AGO4: variants seen among roughly 807,000 people sequenced by gnomAD.
AGO4 encodes protein argonaute-4.
A neutral mutation model predicts 104.7 loss-of-function variants in AGO4; 33 were observed. That is an observed-to-expected ratio of 0.32 (90% CI 0.24 to 0.42). AGO4 has a LOEUF of 0.42. AGO4 is among the 10% of genes least tolerant of loss of function. The probability of loss-of-function intolerance (pLI) is 1.00; values close to 1 mark genes in which losing one functional copy is unlikely to be tolerated. For missense variants in AGO4, 711 were observed against 1,083.4 expected (o/e 0.66, Z 4.83); for synonymous variants, 331 against 364.7 (o/e 0.91, Z 1.05).
rs202017065 is a variant in AGO4, at chr1:35,831,940, G to A, written c.1116+9G>A. ...AAGAGATCAGTAGACTGGTCAGTAA[G>A]GCATGGTCTTCAAGATGAGCTAGCT... is the stretch of plus-strand genomic sequence containing the variant. On this transcript the variant is annotated intron_variant, in intron 9 of 17. Transcript: ENST00000373210. 49 of 1,612,990 alleles carry A rather than the reference G, an allele frequency of 3.0e-5. No homozygotes were observed. The East Asian group carries it at 9.6e-4, about 32-fold the overall frequency.
chr1:35,811,035 C>T (rs1311257625), intron 1 of AGO4, among the ~76,000 whole-genome samples: 4 of 151,418 alleles, frequency 2.6e-5, no homozygotes, highest in Admixed American at 2.6e-4. Flanking sequence ...TACCTGTAGC[C>T]CTAGCTACTC....
rs1479688228 is a variant in AGO4, at chr1:35,841,812, AT to A, written c.2175+63del. Reference sequence around the variant, plus strand: ...TCTGGCAAGAGATGTATATATGCACATATATATATATATATATATATATATA... The same window carrying A: ...TCTGGCAAGAGATGTATATATGCACAATATATATATATATATATATATATA... On this transcript the variant is annotated intron_variant, in intron 15 of 17. Transcript: ENST00000373210. The surrounding 1 kb of genome is among the most constrained non-coding windows in gnomAD (Gnocchi z 4.7). 1.5e-4 allele frequency: 1 copy of A among 6,660 alleles called. No homozygotes were observed. The highest frequency in any genetic ancestry group is 2.0e-4 in the Non-Finnish European group (1 of 4,882). The allele number at this position is 6,660 out of a possible 1,614,324, so 0.4% of individuals were successfully genotyped here.
At chr1:35,811,946 A>G (rs1366765941) in intron 1 of AGO4, among the ~76,000 whole-genome samples, 1 of 152,104 alleles carries the variant, frequency 6.6e-6, no homozygotes, top group Non-Finnish European at 1.5e-5. Flanking sequence ...AGATGCCATT[A>G]TTATTACACA....
rs1435243562 is a variant in AGO4, at chr1:35,857,205, T to G, written c.*3600T>G. ...ACCTTTTGTGAATGTGCTGTGATAT[T>G]TTCTTGCTCAATAGCAAGGTGGTAG... On this transcript the variant is annotated 3_prime_UTR_variant, in exon 18 of 18. Coordinates refer to ENST00000373210, the MANE Select transcript of AGO4 (RefSeq NM_017629.4). The G allele has an allele frequency of 6.6e-6, 1 of 152,206 alleles. No individual in the cohort carries two copies. The highest frequency in any genetic ancestry group is 1.5e-5 in the Non-Finnish European group (1 of 68,036). The allele number at this position is 152,206 out of a possible 1,614,324, so 9.4% of individuals were successfully genotyped here.
chr1:35,851,103 A>T lies in AGO4; in HGVS notation c.2477+50A>T, dbSNP rs148523368. 8.2e-4 allele frequency: 1,214 copies of T among 1,476,866 alleles called. 10 individuals carry two copies. In the African/African-American group the frequency reaches 0.015, roughly 18 times the overall value. 91.5% of individuals were successfully genotyped at this position (1,476,866 alleles called of 1,614,324 possible). A position where few individuals can be genotyped will look rare whatever the true frequency, so the allele number is the denominator to read the frequency against. On this transcript the variant is annotated intron_variant, in intron 17 of 17. Coordinates refer to ENST00000373210, the MANE Select transcript of AGO4 (RefSeq NM_017629.4). ...TCTCTTTATATTTTAGTAGCATGTT[A>T]AAAAAAATGAGCTACAATAGAAAAC...
At chr1:35,826,913 G>C in intron 7 of AGO4, 78 bp downstream of exon 7, 1 of 1,480,098 alleles carries the variant, frequency 6.8e-7, no homozygotes, top group Non-Finnish European at 9.2e-7. Flanking sequence ...TTAAGAAATT[G>C]GTTATTGGCC....
At chr1:35,833,644 C>T (rs1644237702) in intron 11 of AGO4, among the ~76,000 whole-genome samples, 1 of 152,144 alleles carries the variant, frequency 6.6e-6, no homozygotes. Context: ...GAAATTTTGA[C>T]CCTGCTTTTC....
chr1:35,817,078 A>AT, intron 2 of AGO4, 31 bp downstream of exon 2: 1 of 1,543,938 alleles, frequency 6.5e-7, no homozygotes, highest in East Asian at 2.3e-5. Context: ...ATTTCTGTAT[A>AT]TTTAAGTGCA....
chr1:35,855,331 C>T lies in AGO4; in HGVS notation c.*1726C>T, dbSNP rs150822052. ...TGATGGTGAAGGGTGTTTGCTTGAA[C>T]TCATGAGACGGTCCAAATCTCATAA... is the stretch of plus-strand genomic sequence containing the variant. On this transcript the variant is annotated 3_prime_UTR_variant, in exon 18 of 18. Transcript: ENST00000373210. 7.9e-5 allele frequency: 12 copies of T among 152,790 alleles called. No individual in the cohort carries two copies. The highest frequency in any genetic ancestry group is 2.9e-4 in the African/African-American group (12 of 41,570). The allele number at this position is 152,790 out of a possible 1,614,324, so 9.5% of individuals were successfully genotyped here. A position where few individuals can be genotyped will look rare whatever the true frequency, so the allele number is the denominator to read the frequency against.
At position 35,857,721 on chromosome 1, in the gene AGO4, A is replaced by C. The variant is rs973614561; in HGVS notation, c.*4116A>C. 1 of 152,376 alleles carries C rather than the reference A, an allele frequency of 6.6e-6. No individual in the cohort carries two copies. The highest frequency in any genetic ancestry group is 2.1e-4 in the South Asian group (1 of 4,832). 9.4% of individuals were successfully genotyped at this position (152,376 alleles called of 1,614,324 possible). A position where few individuals can be genotyped will look rare whatever the true frequency, so the allele number is the denominator to read the frequency against. On this transcript the variant is annotated 3_prime_UTR_variant, in exon 18 of 18. Coordinates refer to ENST00000373210, the MANE Select transcript of AGO4 (RefSeq NM_017629.4). ...GTATGCAGTACACTGTAATGGCAAC[A>C]TACATGGTTGCTTTATAAAAACAGT... is the stretch of plus-strand genomic sequence containing the variant.
At position 35,827,016 on chromosome 1, in the gene AGO4, A is replaced by G. The variant is rs1021084029; in HGVS notation, c.848+181A>G. Among the ~76,000 whole-genome samples the G allele has an allele frequency of 9.2e-5, 14 of 152,026 alleles. No individual in the cohort carries two copies. The highest frequency in any genetic ancestry group is 3.4e-4 in the African/African-American group (14 of 41,392). ...GGAGTTCAAGACCAGCCTGGCCAAG[A>G]TGGTGAAACCCCATCTCTACTAAAA... On this transcript the variant is annotated intron_variant, in intron 7 of 17. Transcript: ENST00000373210.
Position 35,817,003 on chromosome 1 carries a change from T to C in AGO4, c.141T>C (p.Tyr47=). ...TTCCTAAAATAGATGTGTATCACTA[T>C]GATGTGGATATTAAGCCTGAAAAAC... ...VQIPKIDVYH[Y]DVDIKPEKRP... is the part of the protein sequence containing the mutation. The change falls in exon 2 of 18, where the codon TAT becomes TAC. Residue 47 remains tyrosine, a synonymous_variant. Coordinates refer to ENST00000373210, the MANE Select transcript of AGO4 (RefSeq NM_017629.4). 10 of 1,613,754 alleles carry C rather than the reference T, an allele frequency of 6.2e-6. No individual in the cohort carries two copies. Among genetic ancestry groups the C allele is most frequent in the South Asian group, 1.1e-5 (1 of 90,982 alleles).
rs1335099592 is a variant in AGO4 at position 35,825,730 on chromosome 1, C to T, written c.540C>T (p.His180=). 3 of 1,590,180 alleles carry T rather than the reference C, an allele frequency of 1.9e-6. No homozygotes were observed. The highest frequency in any genetic ancestry group is 2.6e-6 in the Non-Finnish European group (3 of 1,171,786). ...SFFSPPEGYY[H]PLGGGREVWF... is the part of the protein sequence containing the mutation. Reference sequence around the variant, plus strand: ...TCTCACCCCCGGAAGGTTACTACCACCCTCTGGGAGGGGGCAGGGAGGTCT... The same window carrying T: ...TCTCACCCCCGGAAGGTTACTACCATCCTCTGGGAGGGGGCAGGGAGGTCT... The change falls in exon 5 of 18, where the codon CAC becomes CAT. Residue 180 remains histidine (H), a synonymous_variant. Transcript: ENST00000373210.
chr1:35,819,504 T>C (rs1643837799), intron 2 of AGO4, among the ~76,000 whole-genome samples: 1 of 151,342 alleles, frequency 6.6e-6, no homozygotes, highest in Admixed American at 6.6e-5. Context: ...CCGAGGTGGG[T>C]GGATCACGAG....
Position 35,808,480 on chromosome 1 carries a change from C to T in AGO4, c.19+45C>T, listed in dbSNP as rs894640087. The T allele has an allele frequency of 8.5e-7, 1 of 1,180,358 alleles. No homozygotes were observed. The highest frequency in any genetic ancestry group is 4.2e-5 in the South Asian group (1 of 23,906). The allele number at this position is 1,180,358 out of a possible 1,614,324, so 73.1% of individuals were successfully genotyped here. A position where few individuals can be genotyped will look rare whatever the true frequency, so the allele number is the denominator to read the frequency against. ...CGGGGCGGGACCCGGGACCCGGGAC[C>T]CGGGGCGGGCGGCCGGGACTTTCGC... On this transcript the variant is annotated intron_variant, in intron 1 of 17. Coordinates refer to ENST00000373210, the MANE Select transcript of AGO4 (RefSeq NM_017629.4). This position sits in a 1 kb window ranked among gnomAD's most constrained non-coding sequence, Gnocchi z 5.2.
chr1:35,824,083 A>G (rs1328309854), intron 3 of AGO4, among the ~76,000 whole-genome samples: 1 of 152,254 alleles, frequency 6.6e-6, no homozygotes, highest in Non-Finnish European at 1.5e-5. Context: ...ATAGAAAACT[A>G]TATAATACTC....
chr1:35,828,623 G>T lies in AGO4; in HGVS notation c.848+1788G>T, dbSNP rs1029190173. Among the ~76,000 whole-genome samples, 59 of 151,634 alleles carry T rather than the reference G, an allele frequency of 3.9e-4. 1 individual carries two copies. The highest frequency in any genetic ancestry group is 3.1e-3 in the Admixed American group (47 of 15,236). On this transcript the variant is annotated intron_variant, in intron 7 of 17. Coordinates refer to ENST00000373210, the MANE Select transcript of AGO4 (RefSeq NM_017629.4). ...CAACCTCCACCTCCCCGGTTCAAGC[G>T]ATTCTCCTGCCTCAACCTCCCAAGT...
At chr1:35,840,232 A>G (rs2148676836) in intron 13 of AGO4, among the ~76,000 whole-genome samples, 1 of 150,794 alleles carries the variant, frequency 6.6e-6, no homozygotes, top group Non-Finnish European at 1.5e-5. Flanking sequence ...ATCTTGGCTC[A>G]CTGCAACCTC....
In AGO4 at chr1:35,825,700, CT is replaced by C; in HGVS notation, c.515del (p.Phe172SerfsTer25). 3.2e-6 allele frequency: 5 copies of C among 1,565,034 alleles called. No individual in the cohort carries two copies. Among genetic ancestry groups the C allele is most frequent in the South Asian group, 2.4e-5 (2 of 82,186 alleles). On this transcript the variant is annotated frameshift_variant, in exon 5 of 18. Coordinates refer to ENST00000373210, the MANE Select transcript of AGO4 (RefSeq NM_017629.4). LOFTEE classifies it high-confidence loss of function. ...SMRYTPVGRS[F>X]FSPPEGYYHP... is the part of the protein sequence containing the mutation. ...TCAGGTACACCCCAGTGGGCCGTTCCTTTTTCTCACCCCCGGAAGGTTACTA... is the reference window on the plus strand; with the variant it reads ...TCAGGTACACCCCAGTGGGCCGTTCCTTTTCTCACCCCCGGAAGGTTACTA...
Sources: allele counts gnomAD v4.1 joint callset (sites outside exome capture counted in the v4.1 genomes callset), GRCh38; gene constraint gnomAD v4.1.1; non-coding constraint Gnocchi (gnomAD v3.1); transcripts MANE v1.5; gene names NCBI Gene and HGNC (gene_info 2026-07-23, HGNC 2026-07-21).